Variants in KANSL1L observed in about 807,000 individuals in gnomAD.
The protein encoded by KANSL1L is KAT8 regulatory NSL complex subunit 1 like.
Under a neutral mutation model 108.6 loss-of-function variants are expected in KANSL1L, and 25 were observed. The observed-to-expected ratio is 0.23, with a 90% CI of 0.17 to 0.32. The LOEUF is 0.32. Ranked by LOEUF, KANSL1L falls within the 10% of genes least tolerant of loss-of-function variation. The pLI, the probability that KANSL1L is intolerant of heterozygous loss-of-function variation, is 1.00. For synonymous variants in KANSL1L, 405 were observed against 395.1 expected, an observed-to-expected ratio of 1.03 and a Z score of -0.30; for missense variants, 1,137 against 1,125.7, an observed-to-expected ratio of 1.01 and a Z score of -0.14.
intron 5 of KANSL1L, among the ~76,000 whole-genome samples, chr2:210,094,712 G>A (rs2094720855): frequency 6.6e-6 from 1 of 151,782 alleles, no homozygotes; most frequent in African/African-American, 2.4e-5. Flanking sequence ...TCACTACTAT[G>A]TACTTATTTT....
At chr2:210,119,751 T>C (rs1223219959) in intron 3 of KANSL1L, among the ~76,000 whole-genome samples, 1 of 152,130 alleles carries the variant, frequency 6.6e-6, no homozygotes, top group Non-Finnish European at 1.5e-5. Flanking sequence ...GAGAGAAAAC[T>C]GAAATCTAGA....
chr2:210,024,118 G>T lies in KANSL1L; in HGVS notation c.2648C>A (p.Ala883Asp), dbSNP rs1407424068. The T allele has an allele frequency of 1.2e-6, 2 of 1,609,370 alleles. No homozygotes were observed. The highest frequency in any genetic ancestry group is 2.7e-5 in the African/African-American group (2 of 74,650). Residue 883 changes from alanine (A) to aspartate (D), a missense_variant, in exon 14 of 15, where the codon GCT becomes GAT. This residue lies in a region of KANSL1L where 575 missense variants were observed against 567.1 expected (regional missense o/e 1.01). Transcript: ENST00000281772. ...TGAAGGAAGCCCAGGAGGACTTGCAGCAGCACATTGCTGACTGCTACTGAA... is the reference window on the plus strand; with the variant it reads ...TGAAGGAAGCCCAGGAGGACTTGCATCAGCACATTGCTGACTGCTACTGAA... Reference protein sequence around the residue: ...NNFSSSQQCAAASPPGLPSEN... With the variant: ...NNFSSSQQCADASPPGLPSEN...
chr2:210,041,914 A>G (rs1292305700), intron 7 of KANSL1L, among the ~76,000 whole-genome samples: 1 of 152,216 alleles, frequency 6.6e-6, no homozygotes, highest in Non-Finnish European at 1.5e-5. Flanking sequence ...TGATATTATG[A>G]TCATATGAAA....
chr2:210,160,508 T>G (rs1314010822), intron 1 of KANSL1L, among the ~76,000 whole-genome samples: 2 of 152,200 alleles, frequency 1.3e-5, no homozygotes, highest in Non-Finnish European at 2.9e-5. Context: ...ACAAAACTCA[T>G]TTATATTTCT....
chr2:210,100,666 T>C (rs971786589), intron 4 of KANSL1L, among the ~76,000 whole-genome samples: 11 of 152,202 alleles, frequency 7.2e-5, no homozygotes, highest in African/African-American at 1.7e-4. Context: ...TCAGACAGTG[T>C]CTCGTTCTGT....
chr2:210,131,972 C>T (rs1559586814), intron 2 of KANSL1L, among the ~76,000 whole-genome samples: 2 of 152,144 alleles, frequency 1.3e-5, no homozygotes, highest in African/African-American at 2.4e-5. Context: ...GCTGGGATTA[C>T]AGGCATAAGC....
intron 1 of KANSL1L, among the ~76,000 whole-genome samples, chr2:210,160,906 C>A (rs1263259467): frequency 1.3e-5 from 2 of 151,364 alleles, no homozygotes; most frequent in Admixed American, 1.3e-4. Flanking sequence ...GTAGACAAGA[C>A]AGTGTGGCAT....
chr2:210,039,990 T>C (rs2094146792), intron 8 of KANSL1L, among the ~76,000 whole-genome samples: 1 of 151,898 alleles, frequency 6.6e-6, no homozygotes, highest in African/African-American at 2.4e-5. Context: ...CTAGATTTTC[T>C]CTAAACTTTT....
At chr2:210,098,311 T>C in intron 4 of KANSL1L, 104 bp from the exon 5 acceptor site, 1 of 1,008,814 alleles carries the variant, frequency 9.9e-7, no homozygotes, top group African/African-American at 1.7e-5. Flanking sequence ...GACACACATG[T>C]TTTTATTTTA....
At chr2:210,150,814 A>C (rs2095297936) in intron 2 of KANSL1L, among the ~76,000 whole-genome samples, 2 of 151,948 alleles carry the variant, frequency 1.3e-5, no homozygotes, top group African/African-American at 2.4e-5. Context: ...AGAAAAAGAA[A>C]AAAAGAAATT....
chr2:210,102,295 C>CA (rs1387809384), intron 4 of KANSL1L, among the ~76,000 whole-genome samples: 8 of 152,110 alleles, frequency 5.3e-5, no homozygotes, highest in Admixed American at 3.3e-4. Context: ...CCCTTCCTTA[C>CA]ACCTTATACA....
At chr2:210,144,137 A>G (rs2095249450) in intron 2 of KANSL1L, among the ~76,000 whole-genome samples, 1 of 152,058 alleles carries the variant, frequency 6.6e-6, no homozygotes, top group Non-Finnish European at 1.5e-5. Context: ...CAGCACTTTG[A>G]ATATATCATC....
At chr2:210,083,829 CAAAAAAAA>C (rs61456616) in intron 5 of KANSL1L, among the ~76,000 whole-genome samples, 1 of 52,910 alleles carries the variant, frequency 1.9e-5, no homozygotes, top group African/African-American at 6.4e-5. Context: ...GACTCCATCT[CAAAAAAAA>C]AAAAAAAAAA....
intron 2 of KANSL1L, 143 bp from the exon 3 acceptor site, chr2:210,129,315 T>G: frequency 1.6e-6 from 1 of 641,846 alleles, no homozygotes; most frequent in East Asian, 2.9e-5. Flanking sequence ...AATGGCAGAT[T>G]GACTTCTTAT....
At chr2:210,077,559 G>T (rs1187100115) in intron 5 of KANSL1L, among the ~76,000 whole-genome samples, 1 of 152,100 alleles carries the variant, frequency 6.6e-6, no homozygotes, top group Admixed American at 6.6e-5. Flanking sequence ...GGCATTAGAG[G>T]CAGTTAAGTC....
At chr2:210,091,930 T>C (rs561343126) in intron 5 of KANSL1L, among the ~76,000 whole-genome samples, 1 of 152,186 alleles carries the variant, frequency 6.6e-6, no homozygotes, top group Non-Finnish European at 1.5e-5. Context: ...ATGATTTCTC[T>C]GTGTATAGAG....
At position 210,161,481 on chromosome 2, in the gene KANSL1L, C is replaced by T. The variant is rs2095361171; in HGVS notation, c.-29-6870G>A. On this transcript the variant is annotated intron_variant, in intron 1 of 14. Transcript: ENST00000281772. ...AAATGTAAAACCTGTAACTATACAA[C>T]TTCTAGAAAAAATGTTTGTGACACT... 2.0e-5 allele frequency among the ~76,000 whole-genome samples: 3 copies of T among 152,296 alleles called. No homozygotes were observed. The South Asian group carries it at 6.2e-4, about 32-fold the overall frequency.
intron 2 of KANSL1L, among the ~76,000 whole-genome samples, chr2:210,137,361 C>T (rs1399626837): frequency 2.6e-5 from 4 of 152,152 alleles, no homozygotes; most frequent in Non-Finnish European, 5.9e-5. Flanking sequence ...AAAGCTTGAC[C>T]TTGATCATTT....
chr2:210,044,927 G>A lies in KANSL1L; in HGVS notation c.1756-823C>T, dbSNP rs1480233559. 1.3e-5 allele frequency among the ~76,000 whole-genome samples: 2 copies of A among 151,970 alleles called. No individual in the cohort carries two copies. Among genetic ancestry groups the A allele is most frequent in the African/African-American group, 2.4e-5 (1 of 41,394 alleles). The stretch of plus-strand genomic sequence containing the variant: ...TGGGATTACAGGCACGTGCCACTGC[G>A]CCCAGCTACTTTTTGTATTTTTAGT... On this transcript the variant is annotated intron_variant, in intron 6 of 14. Transcript: ENST00000281772. This position sits in a 1 kb window ranked among gnomAD's most constrained non-coding sequence, Gnocchi z 4.2.
Sources: allele counts gnomAD v4.1 joint callset (sites outside exome capture counted in the v4.1 genomes callset), GRCh38; gene constraint gnomAD v4.1.1; regional missense constraint gnomAD v4.1.1; non-coding constraint Gnocchi (gnomAD v3.1); transcripts MANE v1.5; gene names NCBI Gene and HGNC (gene_info 2026-07-23, HGNC 2026-07-21).